Variants in MBTPS2 observed in about 807,000 individuals in gnomAD.
MBTPS2 encodes the protein membrane bound transcription factor peptidase, site 2, also known as membrane-bound transcription factor site-2 protease.
In MBTPS2, 2 loss-of-function variants were observed where a neutral mutation model predicts 35.4. That is an observed-to-expected ratio of 0.06 (90% confidence interval 0.02 to 0.18). The LOEUF (loss-of-function observed/expected upper bound fraction) is 0.18. MBTPS2 is among the 10% of genes least tolerant of loss of function. The pLI is 1.00. For missense variants in MBTPS2, 244 were observed against 386.5 expected, an observed-to-expected ratio of 0.63 and a Z score of 3.09; for synonymous variants, 125 against 140.4, an observed-to-expected ratio of 0.89 and a Z score of 0.77.
At chrX:21,870,032 G>C (rs1309012166) in intron 7 of MBTPS2, 11 of 170,054 alleles carry the variant, frequency 6.5e-5, no homozygotes. Flanking sequence ...CTTGAGGTCA[G>C]GAGTTCATGA....
chrX:21,874,619 G>C (rs2092951182), intron 7 of MBTPS2, among the ~76,000 whole-genome samples: 1 of 111,233 alleles, frequency 9.0e-6, no homozygotes, highest in South Asian at 3.8e-4. Flanking sequence ...CTATCTTCGG[G>C]CTCATCTTAG....
At chrX:21,860,091 CAAAAA>C (rs536679485) in intron 5 of MBTPS2, among the ~76,000 whole-genome samples, 3 of 63,094 alleles carry the variant, frequency 4.8e-5, no homozygotes, top group Non-Finnish European at 3.1e-5. Flanking sequence ...GACCTTGTGT[CAAAAA>C]AAAAAAAAAA....
At chrX:21,865,238 A>G (rs1161332510) in intron 5 of MBTPS2, among the ~76,000 whole-genome samples, 2 of 111,040 alleles carry the variant, frequency 1.8e-5, no homozygotes, top group Non-Finnish European at 3.8e-5. Context: ...TTGAAAAGAA[A>G]AAGCCACTAA....
intron 7 of MBTPS2, among the ~76,000 whole-genome samples, chrX:21,876,810 T>C (rs2092953669): frequency 8.9e-6 from 1 of 111,956 alleles, no homozygotes; most frequent in African/African-American, 3.2e-5. Flanking sequence ...TACAAAATTT[T>C]TATAAAATTA....
At chrX:21,856,233 C>T (rs2092921142) in intron 5 of MBTPS2, 1 of 385,589 alleles carries the variant, frequency 2.6e-6, no homozygotes, top group Non-Finnish European at 4.5e-6. Flanking sequence ...ATGCGTCTGG[C>T]TATCCCAGAA....
rs1200214536 is a variant in MBTPS2, at chrX:21,845,267, T to C, written c.321T>C (p.Ala107=). The C allele has an allele frequency of 1.7e-6, 2 of 1,208,713 alleles. No individual in the cohort carries two copies. Among genetic ancestry groups the C allele is most frequent in the South Asian group, 3.5e-5 (2 of 56,820 alleles). The part of the protein sequence containing the change: ...TLMQTLAQMM[A]DSPSSYSSSS... Reference sequence around the variant, plus strand: ...TGCAGACTTTGGCACAAATGATGGCTGACTCTCCCTCTTCTTATTCTTCCT... The same window carrying C: ...TGCAGACTTTGGCACAAATGATGGCCGACTCTCCCTCTTCTTATTCTTCCT... Residue 107 remains alanine, a synonymous_variant, in exon 3 of 11, where the codon GCT becomes GCC. Transcript: ENST00000379484.
rs1176018462 is a variant in MBTPS2 at position 21,839,619 on chromosome X, C to T, written c.-116C>T. 9.4e-6 allele frequency: 7 copies of T among 744,034 alleles called. No homozygotes were observed. The East Asian group carries it at 2.4e-4, about 26-fold the overall frequency. The allele number at this position is 744,034 out of a possible 1,213,427, so 61.3% of individuals were successfully genotyped here. ...CGTGCCACCGCAAGGAAGGAGCCGG[C>T]GGTAGCTTGGTTCCTGAGCGGATGC... On this transcript the variant is annotated 5_prime_UTR_variant, in exon 1 of 11. Coordinates refer to ENST00000379484, the MANE Select transcript of MBTPS2 (RefSeq NM_015884.4).
chrX:21,868,677 A>G (rs2092943543), intron 6 of MBTPS2, 92 bp downstream of exon 6: 3 of 623,801 alleles, frequency 4.8e-6, no homozygotes. Context: ...AGATCTCTTC[A>G]TATACAAAAT....
intron 7 of MBTPS2, among the ~76,000 whole-genome samples, chrX:21,873,997 G>GTA (rs1487065636): frequency 0.013 from 924 of 72,529 alleles, 21 homozygotes; most frequent in African/African-American, 0.047. Flanking sequence ...GTGTGTGTGT[G>GTA]TGTGTATATA....
chrX:21,845,306 T>C lies in MBTPS2; in HGVS notation c.360T>C (p.Ser120=). The C allele has an allele frequency of 8.4e-7, 1 of 1,191,763 alleles. No homozygotes were observed. Among genetic ancestry groups the C allele is most frequent in the South Asian group, 1.8e-5 (1 of 56,514 alleles). ...CTTATTCTTCCTCCTCTTCTTCCTC[T>C]TCCTCCTCTTCTTCCTCTTCCTCTT... ...PSSYSSSSSS[S]SSSSSSSSSS... Residue 120 remains serine (S), a synonymous_variant, in exon 3 of 11, where the codon TCT becomes TCC. Transcript: ENST00000379484.
chrX:21,862,928 ATAAAC>A (rs2092934019), intron 5 of MBTPS2, among the ~76,000 whole-genome samples: 2 of 37,437 alleles, frequency 5.3e-5, no homozygotes, highest in African/African-American at 1.9e-4. Context: ...ACATATATAT[ATAAAC>A]ATATATATAT....
chrX:21,868,705 G>GA (rs2092943569), intron 6 of MBTPS2, 120 bp downstream of exon 6: 1 of 564,899 alleles, frequency 1.8e-6, no homozygotes, highest in South Asian at 2.4e-5. Flanking sequence ...TTCTTCTGAA[G>GA]AAATTACTGT....
chrX:21,869,258 A>T (rs1330007607), intron 6 of MBTPS2, among the ~76,000 whole-genome samples: 2 of 112,414 alleles, frequency 1.8e-5, no homozygotes, highest in Non-Finnish European at 3.7e-5. Context: ...TAGTCTTAAC[A>T]GTCAGCAAGT....
chrX:21,846,984 G>A (rs2092909328), intron 3 of MBTPS2, among the ~76,000 whole-genome samples: 1 of 111,443 alleles, frequency 9.0e-6, no homozygotes, highest in Admixed American at 9.6e-5. Flanking sequence ...GAAGGGGATG[G>A]ATTCAAGTAA....
chrX:21,855,220 A>G (rs1275700402), intron 5 of MBTPS2, among the ~76,000 whole-genome samples: 1 of 111,719 alleles, frequency 9.0e-6, no homozygotes, highest in Non-Finnish European at 1.9e-5. Flanking sequence ...AAAAGCATCT[A>G]AAGACAATTA....
chrX:21,851,924 C>G (rs774027860), intron 4 of MBTPS2, among the ~76,000 whole-genome samples: 84 of 111,833 alleles, frequency 7.5e-4, no homozygotes, highest in Non-Finnish European at 1.5e-3. Flanking sequence ...GCCAATCTTT[C>G]TGTTCATCGA....
In MBTPS2 at chrX:21,884,588, T is replaced by C. The variant is rs1413393742; in HGVS notation, c.*1933T>C. ...GATCAGGATTTGGGAACCACTTTAC[T>C]AGGAAAGAGCAGATCAGTACCATTT... On this transcript the variant is annotated 3_prime_UTR_variant, in exon 11 of 11. Coordinates refer to ENST00000379484, the MANE Select transcript of MBTPS2 (RefSeq NM_015884.4). The C allele has an allele frequency of 1.3e-6, 1 of 752,501 alleles. No individual in the cohort carries two copies. The highest frequency in any genetic ancestry group is 1.6e-6 in the Non-Finnish European group (1 of 638,927). The allele number at this position is 752,501 out of a possible 1,213,427, so 62.0% of individuals were successfully genotyped here.
intron 7 of MBTPS2, chrX:21,873,180 C>T (rs1468395643): frequency 8.9e-6 from 1 of 111,952 alleles, no homozygotes; most frequent in Non-Finnish European, 1.9e-5. Flanking sequence ...TAGATTTAAA[C>T]TCTTTGAAGG....
intron 5 of MBTPS2, among the ~76,000 whole-genome samples, chrX:21,862,735 C>T (rs1394464565): frequency 9.7e-6 from 1 of 103,616 alleles, no homozygotes; most frequent in Non-Finnish European, 2.0e-5. Flanking sequence ...GGCGTGAACC[C>T]GGGAGGCGGA....
Sources: allele counts gnomAD v4.1 joint callset (sites outside exome capture counted in the v4.1 genomes callset), GRCh38; gene constraint gnomAD v4.1.1; transcripts MANE v1.5; gene names NCBI Gene and HGNC (gene_info 2026-07-23, HGNC 2026-07-21).